Variants in ADPRHL1 observed in about 807,000 individuals in gnomAD.
ADPRHL1 encodes inactive ADP-ribosyltransferase ARH2.
A neutral mutation model predicts 44.1 loss-of-function variants in ADPRHL1; 43 were observed. The observed-to-expected ratio is 0.98, with a 90% CI of 0.76 to 1.26. ADPRHL1 has a LOEUF of 1.26. Among genes scored for constraint, ADPRHL1 ranks in the 50% most tolerant of loss-of-function variants. The probability of loss-of-function intolerance (pLI) is 0.00; values close to 1 mark genes in which losing one functional copy is unlikely to be tolerated. For synonymous variants in ADPRHL1, 878 were observed against 1,017.4 expected (o/e 0.86, Z 2.61); for missense variants, 2,022 against 2,496.9 (o/e 0.81, Z 4.05).
In ADPRHL1 at chr13:113,405,907, C is replaced by A; in HGVS notation, c.3375G>T (p.Thr1125=). ...GGGTGCTGCCTGGCGCTGGTGCAGG[C>A]GTGGCGCGGCTCGCAACGCTCCCTG... ...AAAGSVASRA[T]PAPAPGSTQS... The change falls in exon 8 of 8, where the codon ACG becomes ACT. Residue 1125 remains threonine, a synonymous_variant. Transcript: ENST00000612156. The A allele has an allele frequency of 8.1e-7, 1 of 1,232,046 alleles. No homozygotes were observed. Among genetic ancestry groups the A allele is most frequent in the Non-Finnish European group, 1.0e-6 (1 of 988,068 alleles). The allele number at this position is 1,232,046 out of a possible 1,614,324, so 76.3% of individuals were successfully genotyped here. A position where few individuals can be genotyped will look rare whatever the true frequency, so the allele number is the denominator to read the frequency against.
At chr13:113,434,600 C>A (rs538656573) in intron 2 of ADPRHL1, among the ~76,000 whole-genome samples, 4 of 144,338 alleles carry the variant, frequency 2.8e-5, no homozygotes, top group South Asian at 4.5e-4. Context: ...GACCCGGCAC[C>A]CAGGTGTAGA....
In ADPRHL1 at chr13:113,409,956, C is replaced by T; in HGVS notation, c.1062-1736G>A. The T allele has an allele frequency of 3.1e-6, 3 of 982,426 alleles. No homozygotes were observed. Among genetic ancestry groups the T allele is most frequent in the Non-Finnish European group, 3.6e-6 (3 of 828,340 alleles). 60.9% of individuals were successfully genotyped at this position (982,426 alleles called of 1,614,324 possible). On this transcript the variant is annotated intron_variant, in intron 7 of 7. Coordinates refer to ENST00000612156, the MANE Select transcript of ADPRHL1 (RefSeq NM_001394807.1). This position sits in a 1 kb window ranked among gnomAD's most constrained non-coding sequence, Gnocchi z 4.2. ...AAGAGACCGGAAGGAAATGTGTGAA[C>T]ATACTTCTCTTTTTGTGTTTGTCTG...
chr13:113,411,650 G>T (rs1012502393), intron 7 of ADPRHL1, among the ~76,000 whole-genome samples: 1 of 152,186 alleles, frequency 6.6e-6, no homozygotes, highest in African/African-American at 2.4e-5. Context: ...TGCTCTTCTG[G>T]GTTTATTGGC....
intron 6 of ADPRHL1, among the ~76,000 whole-genome samples, chr13:113,423,746 C>T (rs918869807): frequency 2.0e-5 from 3 of 152,364 alleles, no homozygotes; most frequent in Middle Eastern, 3.4e-3. Flanking sequence ...GAGCAGGATG[C>T]GAGCCCAGGA....
In ADPRHL1 at chr13:113,433,782, G is replaced by T; in HGVS notation, c.465C>A (p.Val155=). ...GGGTCATCCGGCCGCACTCCACGCT[G>T]ACCTCGATGAGGGTCTCCAGCCGCT... ...KPERLETLIE[V]SVECGRMTHN... The change falls in exon 3 of 8, where the codon GTC becomes GTA. Residue 155 remains valine (V), a synonymous_variant. Coordinates refer to ENST00000612156, the MANE Select transcript of ADPRHL1 (RefSeq NM_001394807.1). The T allele has an allele frequency of 6.3e-7, 1 of 1,594,056 alleles. No individual in the cohort carries two copies. Among genetic ancestry groups the T allele is most frequent in the South Asian group, 1.1e-5 (1 of 87,904 alleles).
chr13:113,447,797 C>A (rs1595557545), intron 1 of ADPRHL1, among the ~76,000 whole-genome samples: 1 of 152,124 alleles, frequency 6.6e-6, no homozygotes, highest in African/African-American at 2.4e-5. Flanking sequence ...CACCCGAAAC[C>A]CCTGGATGGG....
At chr13:113,425,726 G>C (rs1334496740) in intron 4 of ADPRHL1, among the ~76,000 whole-genome samples, 2 of 145,878 alleles carry the variant, frequency 1.4e-5, no homozygotes, top group Non-Finnish European at 3.0e-5. Flanking sequence ...TGTTGCCCAG[G>C]CTGGAGTGCA....
intron 7 of ADPRHL1, among the ~76,000 whole-genome samples, chr13:113,420,694 A>T (rs1052976182): frequency 1.3e-5 from 2 of 152,022 alleles, no homozygotes; most frequent in African/African-American, 2.4e-5. Context: ...CAGCACAGTT[A>T]GTCCAGTTAT....
At chr13:113,417,108 C>T (rs139916379) in intron 7 of ADPRHL1, among the ~76,000 whole-genome samples, 212 of 152,354 alleles carry the variant, frequency 1.4e-3, no homozygotes, top group African/African-American at 4.7e-3. Context: ...ACAGCACAGA[C>T]GGCTGCTGGG....
intron 4 of ADPRHL1, among the ~76,000 whole-genome samples, chr13:113,426,474 A>G (rs1211469876): frequency 2.0e-5 from 3 of 152,244 alleles, no homozygotes; most frequent in Non-Finnish European, 4.4e-5. Flanking sequence ...AGGGCGCTGG[A>G]GAGCAGAGCT....
At chr13:113,444,708 T>C (rs1346152007) in intron 1 of ADPRHL1, 119 bp from the exon 2 acceptor site, 21 of 1,263,884 alleles carry the variant, frequency 1.7e-5, no homozygotes, top group Admixed American at 1.1e-4. Context: ...CTGCAAACTC[T>C]GCCTCCCGGG....
In ADPRHL1 at chr13:113,405,792, C is replaced by T; in HGVS notation, c.3490G>A (p.Ala1164Thr). Residue 1164 changes from alanine to threonine, a missense_variant, in exon 8 of 8, where the codon GCT becomes ACT. Coordinates refer to ENST00000612156, the MANE Select transcript of ADPRHL1 (RefSeq NM_001394807.1). ...ALSESHPRGE[A>T]LPRDPHSHGL... is the part of the protein sequence containing the mutation. The stretch of plus-strand genomic sequence containing the variant: ...TGGCTGTGAGGGTCTCGAGGGAGAG[C>T]CTCTCCTCTGGGGTGGCTTTCGGAC... 8.1e-7 allele frequency: 1 copy of T among 1,231,794 alleles called. No homozygotes were observed. Among genetic ancestry groups the T allele is most frequent in the Non-Finnish European group, 1.0e-6 (1 of 988,012 alleles). 76.3% of individuals were successfully genotyped at this position (1,231,794 alleles called of 1,614,324 possible). A position where few individuals can be genotyped will look rare whatever the true frequency, so the allele number is the denominator to read the frequency against.
At chr13:113,425,244 G>T (rs1461014769) in intron 4 of ADPRHL1, 65 bp from the exon 5 acceptor site, 3 of 792,538 alleles carry the variant, frequency 3.8e-6, no homozygotes, top group Non-Finnish European at 4.9e-6. Context: ...GGTGCAGGGA[G>T]TTGGGGGTGG....
Position 113,405,347 on chromosome 13 carries a change from T to C in ADPRHL1, c.3935A>G (p.His1312Arg), listed in dbSNP as rs2043799826. Residue 1312 changes from histidine (H) to arginine (R), a missense_variant, in exon 8 of 8, where the codon CAT becomes CGT. Transcript: ENST00000612156. ...VRFPRGAEPD[H>R]LLPAVPPAEV... is the part of the protein sequence containing the mutation. Reference sequence around the variant, plus strand: ...CGCGGGAGGCACTGCGGGAAGCAGATGGTCAGGCTCCGCCCCACGGGGAAA... The same window carrying C: ...CGCGGGAGGCACTGCGGGAAGCAGACGGTCAGGCTCCGCCCCACGGGGAAA... 4 of 1,231,672 alleles carry C rather than the reference T, an allele frequency of 3.2e-6. No homozygotes were observed. Among genetic ancestry groups the C allele is most frequent in the African/African-American group, 1.6e-5 (1 of 64,428 alleles). 76.3% of individuals were successfully genotyped at this position (1,231,672 alleles called of 1,614,324 possible). A position where few individuals can be genotyped will look rare whatever the true frequency, so the allele number is the denominator to read the frequency against.
chr13:113,432,126 C>CTT lies in ADPRHL1; in HGVS notation c.505+1614_505+1615dup, dbSNP rs77919097. Among the ~76,000 whole-genome samples, 48 of 151,076 alleles carry CTT rather than the reference C, an allele frequency of 3.2e-4. 1 individual carries two copies. The East Asian group carries it at 5.9e-3, about 19-fold the overall frequency. On this transcript the variant is annotated intron_variant, in intron 3 of 7. Transcript: ENST00000612156. Reference sequence around the variant, plus strand: ...CATTACATTGTTTTCAAATGTCCAGCTTTTTTTTTGTTTTTGAGATAGGGC... The same window carrying CTT: ...CATTACATTGTTTTCAAATGTCCAGCTTTTTTTTTTTGTTTTTGAGATAGGGC...
In ADPRHL1 at chr13:113,406,141, C is replaced by A. The variant is rs145554461; in HGVS notation, c.3141G>T (p.Lys1047Asn). The A allele has an allele frequency of 0.02, 24,171 of 1,232,150 alleles. 259 individuals carry two copies. Among genetic ancestry groups the A allele is most frequent in the Non-Finnish European group, 0.022 (21,471 of 987,990 alleles). The allele number at this position is 1,232,150 out of a possible 1,614,324, so 76.3% of individuals were successfully genotyped here. ...TGACACCCTCAGGCCCCGTACGCCC[C>A]TTGGATGATGCCGCCAGTGACGTGG... ...GAPTSLAASS[K>N]GRTGPEGVTP... The change falls in exon 8 of 8, where the codon AAG (lysine) becomes AAT (asparagine). Residue 1047 changes from lysine to asparagine, a missense_variant. Lys to Asn is a moderately conservative substitution (Grantham distance 94, BLOSUM62 0). Transcript: ENST00000612156.
chr13:113,409,959 A>G lies in ADPRHL1; in HGVS notation c.1062-1739T>C. 6.1e-6 allele frequency: 6 copies of G among 984,988 alleles called. No individual in the cohort carries two copies. In the South Asian group the frequency reaches 2.4e-4, roughly 39 times the overall value. 61.0% of individuals were successfully genotyped at this position (984,988 alleles called of 1,614,324 possible). On this transcript the variant is annotated intron_variant, in intron 7 of 7. Transcript: ENST00000612156. This position sits in a 1 kb window ranked among gnomAD's most constrained non-coding sequence, Gnocchi z 4.2. ...AGACCGGAAGGAAATGTGTGAACAT[A>G]CTTCTCTTTTTGTGTTTGTCTGCAT... is the stretch of plus-strand genomic sequence containing the variant.
In ADPRHL1 at chr13:113,409,549, G is replaced by C; in HGVS notation, c.1062-1329C>G. 3 of 985,390 alleles carry C rather than the reference G, an allele frequency of 3.0e-6. No individual in the cohort carries two copies. Among genetic ancestry groups the C allele is most frequent in the Non-Finnish European group, 3.6e-6 (3 of 829,924 alleles). 61.0% of individuals were successfully genotyped at this position (985,390 alleles called of 1,614,324 possible). ...GAGTCGGTGGCCGGATGCGGCTGGT[G>C]ACGTGGTGCCAAGTGAAAAGCTCAC... On this transcript the variant is annotated intron_variant, in intron 7 of 7. Transcript: ENST00000612156. This position sits in a 1 kb window ranked among gnomAD's most constrained non-coding sequence, Gnocchi z 4.2.
At chr13:113,433,502 C>T (rs1006282902) in intron 3 of ADPRHL1, among the ~76,000 whole-genome samples, 1 of 152,164 alleles carries the variant, frequency 6.6e-6, no homozygotes, top group Admixed American at 6.5e-5. Flanking sequence ...GCCAACTCCC[C>T]CAACAAATAA....
Sources: allele counts gnomAD v4.1 joint callset (sites outside exome capture counted in the v4.1 genomes callset), GRCh38; gene constraint gnomAD v4.1.1; non-coding constraint Gnocchi (gnomAD v3.1); transcripts MANE v1.5; gene names NCBI Gene and HGNC (gene_info 2026-07-23, HGNC 2026-07-21).